ESYT3: variants seen among roughly 807,000 people sequenced by gnomAD.
ESYT3 encodes extended synaptotagmin 3, also known as extended synaptotagmin-3.
ESYT3 carries 101 observed loss-of-function variants against 111.5 expected under a neutral mutation model. The observed-to-expected ratio is 0.91, with a 90% CI of 0.77 to 1.07. The LOEUF (loss-of-function observed/expected upper bound fraction) is 1.07. Among genes scored for constraint, ESYT3 ranks in the 50% least tolerant of loss-of-function variants. The probability of loss-of-function intolerance (pLI) is 0.00; values close to 1 mark genes in which losing one functional copy is unlikely to be tolerated. For missense variants in ESYT3, 1,097 were observed against 1,109.4 expected (o/e 0.99, Z 0.16); for synonymous variants, 416 against 446.8 (o/e 0.93, Z 0.87).
chr3:138,474,114 A>C (rs1263154148), intron 19 of ESYT3, 107 bp from the exon 20 acceptor site: 5 of 1,439,340 alleles, frequency 3.5e-6, no homozygotes, highest in Non-Finnish European at 4.7e-6. Context: ...CCTTCTCTCA[A>C]ATGTTTGAAG....
intron 1 of ESYT3, among the ~76,000 whole-genome samples, chr3:138,444,909 G>A (rs766645442): frequency 5.9e-5 from 9 of 152,152 alleles, no homozygotes; most frequent in African/African-American, 9.7e-5. Context: ...AGGAACCCCC[G>A]GAGGCAGAGG....
intron 2 of ESYT3, among the ~76,000 whole-genome samples, chr3:138,452,497 C>A (rs187132358): frequency 7.8e-4 from 118 of 152,242 alleles, no homozygotes; most frequent in Non-Finnish European, 1.4e-3. Context: ...CTTCCTTATC[C>A]GTAAAATGGG....
chr3:138,438,677 A>G (rs970651198), intron 1 of ESYT3, among the ~76,000 whole-genome samples: 3 of 152,008 alleles, frequency 2.0e-5, no homozygotes, highest in Non-Finnish European at 4.4e-5. Flanking sequence ...CTGTTTCCCC[A>G]CCTGTAAAAG....
chr3:138,469,416 A>G lies in ESYT3; in HGVS notation c.1435-20A>G. On this transcript the variant is annotated intron_variant, in intron 14 of 22. Coordinates refer to ENST00000389567, the MANE Select transcript of ESYT3 (RefSeq NM_031913.5). ...TATTGACTATGCCACCTTCACTGTT[A>G]TGGATTTGATTCCTCACAGAACAAG... 2 of 1,608,412 alleles carry G rather than the reference A, an allele frequency of 1.2e-6. No individual in the cohort carries two copies. Among genetic ancestry groups the G allele is most frequent in the East Asian group, 2.2e-5 (1 of 44,842 alleles).
At chr3:138,455,431 G>A (rs777418910) in intron 3 of ESYT3, 103 bp downstream of exon 3, 18 of 1,339,378 alleles carry the variant, frequency 1.3e-5, no homozygotes, top group African/African-American at 2.9e-5. Context: ...TATGACTGCA[G>A]AGATCCCACT....
At chr3:138,468,906 T>C in intron 14 of ESYT3, 25 bp downstream of exon 14, 1 of 1,613,138 alleles carries the variant, frequency 6.2e-7, no homozygotes, top group African/African-American at 1.3e-5. Flanking sequence ...GGCTAAAAAC[T>C]CCAGGGAGGG....
intron 1 of ESYT3, among the ~76,000 whole-genome samples, chr3:138,451,676 C>T (rs73864578): frequency 6.6e-6 from 1 of 152,178 alleles, no homozygotes; most frequent in Non-Finnish European, 1.5e-5. Context: ...TCGGCCTCCG[C>T]GTGGGACTGG....
At chr3:138,480,153 T>C (rs2033658810), downstream of ESYT3, 1 of 152,046 alleles carries the variant, frequency 6.6e-6, no homozygotes, top group Non-Finnish European at 1.5e-5. Flanking sequence ...ATACAAAAGA[T>C]GGTCAAGATA....
At chr3:138,439,741 G>T (rs1375749605) in intron 1 of ESYT3, among the ~76,000 whole-genome samples, 3 of 152,230 alleles carry the variant, frequency 2.0e-5, no homozygotes, top group Non-Finnish European at 2.9e-5. Context: ...CATTGCTCCA[G>T]GTTGGGGGAA....
rs1344687795 is a variant in ESYT3 at position 138,462,195 on chromosome 3, C to T, written c.904C>T (p.Pro302Ser). The T allele has an allele frequency of 6.2e-7, 1 of 1,614,102 alleles. No individual in the cohort carries two copies. Among genetic ancestry groups the T allele is most frequent in the African/African-American group, 1.3e-5 (1 of 74,942 alleles). Reference sequence around the variant, plus strand: ...GCTGGATCTGACCAACCTGCGCTTCCCTCTGCCCTGTGTGAGTACCCAGTA... The same window carrying T: ...GCTGGATCTGACCAACCTGCGCTTCTCTCTGCCCTGTGTGAGTACCCAGTA... ...KGLDLTNLRF[P>S]LPCGVIRVHL... Residue 302 changes from proline (P) to serine (S), a missense_variant, in exon 8 of 23, where the codon CCT becomes TCT. By Grantham distance (74) the Pro-to-Ser change is moderately conservative (BLOSUM62 -1). Transcript: ENST00000389567.
chr3:138,440,059 T>C lies in ESYT3; in HGVS notation c.327+4934T>C, dbSNP rs1208739963. Among the ~76,000 whole-genome samples, 3 of 152,202 alleles carry C rather than the reference T, an allele frequency of 2.0e-5. No homozygotes were observed. The East Asian group carries it at 5.8e-4, about 29-fold the overall frequency. On this transcript the variant is annotated intron_variant, in intron 1 of 22. Transcript: ENST00000389567. This position sits in a 1 kb window ranked among gnomAD's most constrained non-coding sequence, Gnocchi z 4.2. The stretch of plus-strand genomic sequence containing the variant: ...TCATGACATTTTAGGAGATGTTCTA[T>C]AGAGTCTTCATAGCTGTAGGGTCTG...
chr3:138,443,335 A>G (rs549050704), intron 1 of ESYT3, among the ~76,000 whole-genome samples: 2 of 152,228 alleles, frequency 1.3e-5, no homozygotes, highest in African/African-American at 4.8e-5. Flanking sequence ...AGTAGTTTTA[A>G]TGGTTAAATG....
At position 138,478,142 on chromosome 3, in the gene ESYT3, T is replaced by C. The variant is rs939273179; in HGVS notation, c.*1288T>C. On this transcript the variant is annotated 3_prime_UTR_variant, in exon 23 of 23. Transcript: ENST00000389567. ...TACTGAGTATTTTCCATTTTAATAG[T>C]TCCCAGCCTTTATAACACTAAGTTT... is the stretch of plus-strand genomic sequence containing the variant. The C allele has an allele frequency of 1.3e-5, 2 of 152,238 alleles. No homozygotes were observed. The highest frequency in any genetic ancestry group is 4.8e-5 in the African/African-American group (2 of 41,454). The allele number at this position is 152,238 out of a possible 1,614,324, so 9.4% of individuals were successfully genotyped here.
intron 10 of ESYT3, among the ~76,000 whole-genome samples, chr3:138,466,474 C>G (rs1265552658): frequency 1.3e-5 from 2 of 152,282 alleles, no homozygotes; most frequent in East Asian, 3.9e-4. Context: ...TTAATGAAAA[C>G]AGTTGCAATT....
Position 138,462,123 on chromosome 3 carries a change from A to G in ESYT3, c.832A>G (p.Thr278Ala), listed in dbSNP as rs112771629. Residue 278 changes from threonine (T) to alanine (A), a missense_variant, in exon 8 of 23, where the codon ACC (threonine) becomes GCC (alanine). Thr to Ala is a moderately conservative substitution (Grantham distance 58). Coordinates refer to ENST00000389567, the MANE Select transcript of ESYT3 (RefSeq NM_031913.5). ...SDSLLEDLIA[T>A]HLVLPNRVTV... ...CAGCTTACTGGAGGACCTCATTGCC[A>G]CCCACCTGGTGCTGCCCAACCGTGT... 197 of 1,614,050 alleles carry G rather than the reference A, an allele frequency of 1.2e-4. 7 individuals are homozygous for G. The African/African-American group carries it at 1.7e-3, about 14-fold the overall frequency.
chr3:138,462,152 T>C lies in ESYT3; in HGVS notation c.861T>C (p.Thr287=), dbSNP rs755066353. ...ATHLVLPNRV[T]VPVKKGLDLT... ...ACCTGGTGCTGCCCAACCGTGTGACTGTGCCTGTGAAGAAGGGGCTGGATC... is the reference window on the plus strand; with the variant it reads ...ACCTGGTGCTGCCCAACCGTGTGACCGTGCCTGTGAAGAAGGGGCTGGATC... The change falls in exon 8 of 23, where the codon ACT becomes ACC. Residue 287 remains threonine, a synonymous_variant. Transcript: ENST00000389567. 2.5e-6 allele frequency: 4 copies of C among 1,614,102 alleles called. No homozygotes were observed. Among genetic ancestry groups the C allele is most frequent in the South Asian group, 1.1e-5 (1 of 91,086 alleles).
rs1323246931 is a variant in ESYT3, at chr3:138,476,286, T to C, written c.2532T>C (p.Asn844=). 16 of 1,613,856 alleles carry C rather than the reference T, an allele frequency of 9.9e-6. No homozygotes were observed. The highest frequency in any genetic ancestry group is 1.7e-5 in the Admixed American group (1 of 59,988). ...GGTCACTAGATGTTGCAGTGAAAAA[T>C]AGTAGGCCACTTGGCTCACACAGAA... The part of the protein sequence containing the change: ...KKRSLDVAVK[N]SRPLGSHRRK... The change falls in exon 21 of 23, where the codon AAT becomes AAC. Residue 844 remains asparagine, a synonymous_variant. Coordinates refer to ENST00000389567, the MANE Select transcript of ESYT3 (RefSeq NM_031913.5).
chr3:138,474,422 C>T (rs1225199317), intron 20 of ESYT3, 70 bp downstream of exon 20: 27 of 1,497,020 alleles, frequency 1.8e-5, no homozygotes, highest in Non-Finnish European at 2.2e-5. Flanking sequence ...TGTTATGTTG[C>T]CTGGCAGCCT....
rs184826698 is a variant in ESYT3 at position 138,474,506 on chromosome 3, T to C, written c.2468+154T>C. On this transcript the variant is annotated intron_variant, in intron 20 of 22. Transcript: ENST00000389567. Reference sequence around the variant, plus strand: ...ACTTCATGAAGCTTCTGTACGTTAGTGGGGAAAATGGAGTGCCAGAGAAGT... The same window carrying C: ...ACTTCATGAAGCTTCTGTACGTTAGCGGGGAAAATGGAGTGCCAGAGAAGT... 227 of 779,504 alleles carry C rather than the reference T, an allele frequency of 2.9e-4. 2 individuals carry two copies. In the Admixed American group the frequency reaches 4.7e-3, roughly 16 times the overall value. 48.3% of individuals were successfully genotyped at this position (779,504 alleles called of 1,614,324 possible). A position where few individuals can be genotyped will look rare whatever the true frequency, so the allele number is the denominator to read the frequency against.
Sources: allele counts gnomAD v4.1 joint callset (sites outside exome capture counted in the v4.1 genomes callset), GRCh38; gene constraint gnomAD v4.1.1; non-coding constraint Gnocchi (gnomAD v3.1); transcripts MANE v1.5; gene names NCBI Gene and HGNC (gene_info 2026-07-23, HGNC 2026-07-21).